TMEM128: variants seen among roughly 807,000 people sequenced by gnomAD.
The protein encoded by TMEM128 is transmembrane protein 128.
Under a neutral mutation model 19.7 loss-of-function variants are expected in TMEM128, and 16 were observed. That is an observed-to-expected ratio of 0.81 (90% CI 0.55 to 1.23). The LOEUF (loss-of-function observed/expected upper bound fraction) is 1.23, where lower values mean the gene tolerates loss of function less well. TMEM128 is among the 50% of genes most tolerant of loss of function. TMEM128 has a pLI of 0.00. For synonymous variants in TMEM128, 98 were observed against 75.8 expected (o/e 1.29, Z -1.52); for missense variants, 237 against 200.8 (o/e 1.18, Z -1.09).
At chr4:4,246,509 G>A (rs1718180584) in intron 1 of TMEM128, among the ~76,000 whole-genome samples, 166 bp from the exon 2 acceptor site, 1 of 152,096 alleles carries the variant, frequency 6.6e-6, no homozygotes. Context: ...CAAAAAATAA[G>A]AGCCCACTAT....
chr4:4,246,049 C>T (rs1718156134), intron 2 of TMEM128, among the ~76,000 whole-genome samples, 153 bp downstream of exon 2: 1 of 152,012 alleles, frequency 6.6e-6, no homozygotes, highest in African/African-American at 2.4e-5. Flanking sequence ...ACCCTTTGAC[C>T]CCCATCTCAT....
intron 2 of TMEM128, among the ~76,000 whole-genome samples, chr4:4,244,305 G>C (rs568645907): frequency 2.6e-5 from 4 of 151,838 alleles, no homozygotes; most frequent in Non-Finnish European, 5.9e-5. Flanking sequence ...AAGAGACCTC[G>C]TCTCTACAAA....
chr4:4,247,689 G>GCT, intron 1 of TMEM128: 1 of 1,612,746 alleles, frequency 6.2e-7, no homozygotes, highest in South Asian at 1.1e-5. Flanking sequence ...TCGACCTGAT[G>GCT]TGTCAGGTAT....
At chr4:4,242,109 T>C (rs1387846625) in intron 2 of TMEM128, among the ~76,000 whole-genome samples, 1 of 152,170 alleles carries the variant, frequency 6.6e-6, no homozygotes, top group East Asian at 1.9e-4. Context: ...ACCATGTCCA[T>C]ATTGGCCAGG....
chr4:4,238,512 GATAAGT>G (rs1287678194), intron 3 of TMEM128, among the ~76,000 whole-genome samples: 2 of 152,238 alleles, frequency 1.3e-5, no homozygotes, highest in Middle Eastern at 3.4e-3. Context: ...ATAATAGTTT[GATAAGT>G]ATGAGTATTA....
intron 1 of TMEM128, among the ~76,000 whole-genome samples, chr4:4,246,690 C>T (rs1383814131): frequency 2.6e-5 from 4 of 152,118 alleles, no homozygotes; most frequent in Non-Finnish European, 5.9e-5. Context: ...AGGAAAAATG[C>T]CAAAGGCAAA....
chr4:4,246,376 TACC>T, intron 1 of TMEM128, 33 bp from the exon 2 acceptor site: 3 of 1,572,496 alleles, frequency 1.9e-6, no homozygotes, highest in Non-Finnish European at 2.6e-6. Context: ...CTTATTAAGT[TACC>T]ACAATTTTGC....
At chr4:4,247,752 T>C (rs1335839583) in intron 1 of TMEM128, 11 of 1,543,890 alleles carry the variant, frequency 7.1e-6, no homozygotes, top group Non-Finnish European at 9.6e-6. Flanking sequence ...AAGGCAGATA[T>C]TTCCAGTAAT....
In TMEM128 at chr4:4,237,865, C is replaced by T; in HGVS notation, c.469G>A (p.Val157Ile). 1 of 1,611,974 alleles carries T rather than the reference C, an allele frequency of 6.2e-7. No homozygotes were observed. Among genetic ancestry groups the T allele is most frequent in the South Asian group, 1.1e-5 (1 of 90,806 alleles). The change falls in exon 4 of 5, where the codon GTT becomes ATT. Residue 157 changes from valine (V) to isoleucine (I), a missense_variant. Physicochemically the swap from Val to Ile is conservative, Grantham distance 29. Coordinates refer to ENST00000382753, the MANE Select transcript of TMEM128 (RefSeq NM_001297551.2). ...CCAAGGAGTGTGATAAACATGACAA[C>T]CCCCATAAACTGGGTAAACAACAAC... ...PLLLFTQFMG[V>I]VMFITLLG
intron 2 of TMEM128, among the ~76,000 whole-genome samples, chr4:4,244,305 G>T (rs568645907): frequency 6.6e-6 from 1 of 151,838 alleles, no homozygotes; most frequent in Non-Finnish European, 1.5e-5. Context: ...AAGAGACCTC[G>T]TCTCTACAAA....
At chr4:4,236,995 T>C (rs1717747344) in intron 4 of TMEM128, 2 of 441,802 alleles carry the variant, frequency 4.5e-6, no homozygotes, top group Non-Finnish European at 9.0e-6. Flanking sequence ...ATTCTCAATA[T>C]ACACTTATTT....
chr4:4,246,597 A>AG (rs1718185137), intron 1 of TMEM128, among the ~76,000 whole-genome samples: 2 of 152,310 alleles, frequency 1.3e-5, no homozygotes, highest in African/African-American at 4.8e-5. Context: ...CGTCTTTCGG[A>AG]AATAACAATG....
rs1164487612 is a variant in TMEM128, at chr4:4,236,243, A to G, written c.*23T>C. 7.4e-5 allele frequency: 11 copies of G among 148,838 alleles called. No homozygotes were observed. The highest frequency in any genetic ancestry group is 1.5e-4 in the Non-Finnish European group (10 of 67,744). The allele number at this position is 148,838 out of a possible 1,614,324, so 9.2% of individuals were successfully genotyped here. A position where few individuals can be genotyped will look rare whatever the true frequency, so the allele number is the denominator to read the frequency against. On this transcript the variant is annotated 3_prime_UTR_variant, in exon 5 of 5. Coordinates refer to ENST00000382753, the MANE Select transcript of TMEM128 (RefSeq NM_001297551.2). ...AGTTCAAAGACAGCCTGGGCAACATAGAAGACCCTGTCTCTTAAAAAAAAA... is the reference window on the plus strand; with the variant it reads ...AGTTCAAAGACAGCCTGGGCAACATGGAAGACCCTGTCTCTTAAAAAAAAA...
intron 1 of TMEM128, among the ~76,000 whole-genome samples, chr4:4,246,978 T>C (rs1056670011): frequency 6.6e-6 from 1 of 152,106 alleles, no homozygotes; most frequent in Non-Finnish European, 1.5e-5. Flanking sequence ...TTTGGCCAGG[T>C]TGGTCTCGAA....
At chr4:4,244,305 G>A (rs568645907) in intron 2 of TMEM128, among the ~76,000 whole-genome samples, 2 of 151,958 alleles carry the variant, frequency 1.3e-5, no homozygotes, top group South Asian at 2.1e-4. Flanking sequence ...AAGAGACCTC[G>A]TCTCTACAAA....
At chr4:4,240,537 T>C in intron 2 of TMEM128, 58 bp from the exon 3 acceptor site, 1 of 1,540,970 alleles carries the variant, frequency 6.5e-7, no homozygotes, top group East Asian at 2.4e-5. Context: ...TCACATATCT[T>C]AAAAGTTTTT....
chr4:4,246,470 G>T (rs1168870311), intron 1 of TMEM128, 127 bp from the exon 2 acceptor site: 5 of 946,108 alleles, frequency 5.3e-6, no homozygotes, highest in Middle Eastern at 2.9e-4. Context: ...AAATCCTTCT[G>T]TAAAACCCTT....
rs759640245 is a variant in TMEM128, at chr4:4,237,971, A to C, written c.399-36T>G. 20 of 1,244,442 alleles carry C rather than the reference A, an allele frequency of 1.6e-5. 1 individual carries two copies. In the South Asian group the frequency reaches 3.1e-4, roughly 19 times the overall value. The allele number at this position is 1,244,442 out of a possible 1,614,324, so 77.1% of individuals were successfully genotyped here. ...CAAGACATAAACAGTTGACAACTCC[A>C]ATATGCATCAATATATTTTATTCTA... On this transcript the variant is annotated intron_variant, in intron 3 of 4. Coordinates refer to ENST00000382753, the MANE Select transcript of TMEM128 (RefSeq NM_001297551.2).
intron 2 of TMEM128, among the ~76,000 whole-genome samples, chr4:4,243,109 T>C (rs1301370144): frequency 6.6e-6 from 1 of 152,110 alleles, no homozygotes; most frequent in African/African-American, 2.4e-5. Flanking sequence ...AGACGGAGTC[T>C]CGCTCTGTCG....
Sources: allele counts gnomAD v4.1 joint callset (sites outside exome capture counted in the v4.1 genomes callset), GRCh38; gene constraint gnomAD v4.1.1; transcripts MANE v1.5; gene names NCBI Gene and HGNC (gene_info 2026-07-23, HGNC 2026-07-21).